Variants in YLPM1 observed in about 807,000 individuals in gnomAD.
YLPM1 encodes the protein YLP motif-containing protein 1.
In YLPM1, 99 loss-of-function variants were observed where a neutral mutation model predicts 230.0. The observed-to-expected ratio is 0.43, with a 90% CI of 0.37 to 0.51. The LOEUF (loss-of-function observed/expected upper bound fraction) is 0.51, where lower values mean the gene tolerates loss of function less well. Among genes scored for constraint, YLPM1 ranks in the 20% least tolerant of loss-of-function variants. YLPM1 has a pLI of 0.00. For synonymous variants in YLPM1, 984 were observed against 942.5 expected, an observed-to-expected ratio of 1.04 and a Z score of -0.81; for missense variants, 2,592 against 2,707.7, an observed-to-expected ratio of 0.96 and a Z score of 0.95.
At chr14:74,826,602 G>A (rs2091564564) in intron 18 of YLPM1, among the ~76,000 whole-genome samples, 1 of 152,228 alleles carries the variant, frequency 6.6e-6, no homozygotes, top group Non-Finnish European at 1.5e-5. Flanking sequence ...GCTTATTGCA[G>A]ATTCTTGGTC....
chr14:74,835,181 A>G, intron 19 of YLPM1, 84 bp from the exon 20 acceptor site: 1 of 1,498,294 alleles, frequency 6.7e-7, no homozygotes, highest in Non-Finnish European at 9.0e-7. Context: ...GAGTCATTCT[A>G]CCCCTTAGAC....
At chr14:74,813,667 A>G (rs973352710) in intron 11 of YLPM1, among the ~76,000 whole-genome samples, 11 of 152,268 alleles carry the variant, frequency 7.2e-5, no homozygotes, top group African/African-American at 2.6e-4. Flanking sequence ...TATTTTGTGT[A>G]ATGCTGGAGT....
In YLPM1 at chr14:74,826,782, G is replaced by GAC. The variant is rs1449040880; in HGVS notation, c.6164-2427_6164-2426dup. ...CACCAGACTGGTTCTTCCCTGCTGG[G>GAC]ACACAGGCATCATAATGCAAGGGCA... On this transcript the variant is annotated intron_variant, in intron 18 of 20. Transcript: ENST00000325680. Among the ~76,000 whole-genome samples, 15 of 152,206 alleles carry GAC rather than the reference G, an allele frequency of 9.9e-5. 1 individual carries two copies. Among genetic ancestry groups the GAC allele is most frequent in the Non-Finnish European group, 2.9e-5 (2 of 68,036 alleles).
chr14:74,800,324 T>C (rs2091312536), intron 5 of YLPM1, among the ~76,000 whole-genome samples: 1 of 152,256 alleles, frequency 6.6e-6, no homozygotes, highest in Non-Finnish European at 1.5e-5. Context: ...CAATCAACTG[T>C]GTATAGGTAT....
intron 4 of YLPM1, among the ~76,000 whole-genome samples, chr14:74,784,551 T>A (rs930449822): frequency 3.3e-5 from 5 of 152,252 alleles, no homozygotes; most frequent in African/African-American, 1.2e-4. Context: ...TGACCCACTT[T>A]AAGTCCATTG....
intron 4 of YLPM1, among the ~76,000 whole-genome samples, chr14:74,791,434 C>G (rs969217818): frequency 2.9e-4 from 44 of 152,332 alleles, no homozygotes; most frequent in African/African-American, 9.9e-4. Context: ...AGCACCCTAC[C>G]CTTTCAACCC....
chr14:74,813,702 C>A (rs1392705335), intron 11 of YLPM1, among the ~76,000 whole-genome samples: 2 of 151,822 alleles, frequency 1.3e-5, no homozygotes, highest in East Asian at 3.9e-4. Flanking sequence ...AGCCTGTCAC[C>A]CAAAAAGTGA....
chr14:74,771,821 G>A (rs1156378666), intron 1 of YLPM1, among the ~76,000 whole-genome samples: 1 of 152,058 alleles, frequency 6.6e-6, no homozygotes, highest in East Asian at 1.9e-4. Context: ...AATGAGGGAA[G>A]GAGCTGGAGG....
chr14:74,803,262 G>C (rs982665357), intron 6 of YLPM1, among the ~76,000 whole-genome samples: 1 of 152,156 alleles, frequency 6.6e-6, no homozygotes, highest in Non-Finnish European at 1.5e-5. Flanking sequence ...TTATGTTAAA[G>C]ACTTGAGTAA....
rs561137969 is a variant in YLPM1, at chr14:74,809,107, G to GT, written c.4522-260dup. On this transcript the variant is annotated intron_variant, in intron 6 of 20. Coordinates refer to ENST00000325680, the MANE Select transcript of YLPM1 (RefSeq NM_019589.3). ...TATCTATTCTCATCTTTTGGCCATAGTTTTTTTTTTTTTATGATTTGTCTT... is the reference window on the plus strand; with the variant it reads ...TATCTATTCTCATCTTTTGGCCATAGTTTTTTTTTTTTTTATGATTTGTCTT... Among the ~76,000 whole-genome samples the GT allele has an allele frequency of 9.5e-3, 1,350 of 142,040 alleles. 11 individuals are homozygous for GT. The highest frequency in any genetic ancestry group is 0.026 in the African/African-American group (1,004 of 39,098). The allele number at this position is 142,040 out of a possible 152,430, so 93.2% of individuals were successfully genotyped here. A position where few individuals can be genotyped will look rare whatever the true frequency, so the allele number is the denominator to read the frequency against.
chr14:74,770,043 G>A (rs1488549801), intron 1 of YLPM1, among the ~76,000 whole-genome samples: 6 of 151,914 alleles, frequency 3.9e-5, no homozygotes, highest in Non-Finnish European at 8.8e-5. Context: ...TTAGCCGGGC[G>A]TGGTGGTGGG....
At chr14:74,795,060 G>A (rs1383685166) in intron 4 of YLPM1, among the ~76,000 whole-genome samples, 1 of 152,162 alleles carries the variant, frequency 6.6e-6, no homozygotes, top group Admixed American at 6.5e-5. Flanking sequence ...GCAATTTTCC[G>A]TGGACTTGAA....
At chr14:74,821,960 AC>A (rs913464403) in intron 17 of YLPM1, 1 of 151,978 alleles carries the variant, frequency 6.6e-6, no homozygotes, top group African/African-American at 2.4e-5. Context: ...TCTGATTCCT[AC>A]CCCCTAGAGT....
intron 4 of YLPM1, among the ~76,000 whole-genome samples, chr14:74,790,531 A>G (rs2140099984): frequency 6.6e-6 from 1 of 152,222 alleles, no homozygotes; most frequent in Admixed American, 6.5e-5. Context: ...TACATTTTGG[A>G]GTTTTATATC....
chr14:74,785,505 A>G (rs1004232423), intron 4 of YLPM1, among the ~76,000 whole-genome samples: 1 of 152,192 alleles, frequency 6.6e-6, no homozygotes, highest in African/African-American at 2.4e-5. Flanking sequence ...CTTTTTCTCC[A>G]GTGTAACTAG....
chr14:74,806,464 C>T (rs577019001), intron 6 of YLPM1, among the ~76,000 whole-genome samples: 66 of 152,004 alleles, frequency 4.3e-4, no homozygotes, highest in African/African-American at 1.5e-3. Context: ...AGGTGGTGCG[C>T]ACCTGTAATC....
At position 74,779,300 on chromosome 14, in the gene YLPM1, G is replaced by T. The variant is rs1296972646; in HGVS notation, c.1110+617G>T. On this transcript the variant is annotated intron_variant, in intron 2 of 20. Coordinates refer to ENST00000325680, the MANE Select transcript of YLPM1 (RefSeq NM_019589.3). ...TGAGTGCTTGAGCTTTTAGAGTCAA[G>T]CTACCCAGGCTATAATCCAGGTACT... is the stretch of plus-strand genomic sequence containing the variant. Among the ~76,000 whole-genome samples the T allele has an allele frequency of 2.0e-5, 3 of 152,300 alleles. No homozygotes were observed. The South Asian group carries it at 6.2e-4, about 32-fold the overall frequency.
At chr14:74,769,582 C>T (rs552776457) in intron 1 of YLPM1, among the ~76,000 whole-genome samples, 8 of 146,596 alleles carry the variant, frequency 5.5e-5, no homozygotes, top group Admixed American at 1.3e-4. Flanking sequence ...TCAGAGTGCC[C>T]GGCCATTTTT....
At chr14:74,792,397 T>C (rs1333515260) in intron 4 of YLPM1, among the ~76,000 whole-genome samples, 2 of 152,228 alleles carry the variant, frequency 1.3e-5, no homozygotes, top group African/African-American at 4.8e-5. Flanking sequence ...AACCCTTAGC[T>C]TTACTTAGCA....
Sources: gnomAD v4.1 joint callset for allele counts (sites outside exome capture counted in the v4.1 genomes callset) on GRCh38, gnomAD v4.1.1 for gene constraint, MANE v1.5 for transcripts, NCBI Gene and HGNC (gene_info 2026-07-23, HGNC 2026-07-21) for gene names.